RFX7: variants seen among roughly 807,000 people sequenced by gnomAD.
RFX7 encodes DNA-binding protein RFX7.
A neutral mutation model predicts 111.8 loss-of-function variants in RFX7; 26 were observed. The observed-to-expected ratio is 0.23, with a 90% CI of 0.17 to 0.32. The LOEUF (loss-of-function observed/expected upper bound fraction) is 0.32. Ranked by LOEUF, RFX7 falls within the 10% of genes least tolerant of loss-of-function variation. RFX7 has a pLI of 1.00. For missense variants in RFX7, 1,573 were observed against 1,772.9 expected (o/e 0.89, Z 2.02); for synonymous variants, 624 against 624.4 (o/e 1.00, Z 0.01).
At chr15:56,119,273 C>T (rs539701318) in intron 5 of RFX7, among the ~76,000 whole-genome samples, 2 of 152,256 alleles carry the variant, frequency 1.3e-5, no homozygotes, top group East Asian at 1.9e-4. Context: ...AGTGCAATGT[C>T]CTGGAGTTTC....
At chr15:56,208,251 A>T (rs987078167) in intron 2 of RFX7, among the ~76,000 whole-genome samples, 2 of 152,168 alleles carry the variant, frequency 1.3e-5, no homozygotes, top group African/African-American at 4.8e-5. Context: ...ATCCTGCTGG[A>T]GCTTCATCAG....
At position 56,092,619 on chromosome 15, in the gene RFX7, G is replaced by A. The variant is rs1256522398; in HGVS notation, c.*726C>T. On this transcript the variant is annotated 3_prime_UTR_variant, in exon 10 of 10. Transcript: ENST00000559447. Reference sequence around the variant, plus strand: ...TTACATTTGCTTGTTTTGTGTGTGCGTGCCTGCGCATCTATGTGTGCTAGC... The same window carrying A: ...TTACATTTGCTTGTTTTGTGTGTGCATGCCTGCGCATCTATGTGTGCTAGC... 3 of 152,454 alleles carry A rather than the reference G, an allele frequency of 2.0e-5. No individual in the cohort carries two copies. Among genetic ancestry groups the A allele is most frequent in the Admixed American group, 6.6e-5 (1 of 15,264 alleles). The allele number at this position is 152,454 out of a possible 1,614,324, so 9.4% of individuals were successfully genotyped here. A position where few individuals can be genotyped will look rare whatever the true frequency, so the allele number is the denominator to read the frequency against.
intron 2 of RFX7, among the ~76,000 whole-genome samples, chr15:56,207,427 A>T (rs1194384353): frequency 6.6e-6 from 1 of 152,192 alleles, no homozygotes; most frequent in African/African-American, 2.4e-5. Context: ...AAAGTGGTAA[A>T]TTTTATCTTA....
rs189550744 is a variant in RFX7, at chr15:56,172,320, G to A, written c.195+6950C>T. On this transcript the variant is annotated intron_variant, in intron 3 of 9. Coordinates refer to ENST00000559447, the MANE Select transcript of RFX7 (RefSeq NM_022841.7). Reference sequence around the variant, plus strand: ...AAACTTTGACTTTCTTCTTTCAAAGGGAAGAAGATACAGTGGTAGCTAGAG... The same window carrying A: ...AAACTTTGACTTTCTTCTTTCAAAGAGAAGAAGATACAGTGGTAGCTAGAG... Among the ~76,000 whole-genome samples the A allele has an allele frequency of 3.9e-5, 6 of 152,232 alleles. No individual in the cohort carries two copies. In the East Asian group the frequency reaches 1.2e-3, roughly 29 times the overall value.
intron 5 of RFX7, among the ~76,000 whole-genome samples, chr15:56,137,020 A>T (rs2042312949): frequency 6.6e-6 from 1 of 151,876 alleles, no homozygotes; most frequent in African/African-American, 2.4e-5. Context: ...TCGTTTTGCC[A>T]GTATTTTATT....
intron 2 of RFX7, among the ~76,000 whole-genome samples, chr15:56,205,140 T>A (rs1436215965): frequency 1.3e-5 from 2 of 152,228 alleles, no homozygotes; most frequent in Admixed American, 1.3e-4. Flanking sequence ...ATCCCTGGTC[T>A]GAATTAAATG....
chr15:56,174,051 G>A (rs1219238296), intron 3 of RFX7, among the ~76,000 whole-genome samples: 1 of 152,184 alleles, frequency 6.6e-6, no homozygotes, highest in Middle Eastern at 3.4e-3. Context: ...GCTGAGGTGG[G>A]TGCATCACCT....
At chr15:56,147,867 C>T (rs1296748361) in intron 3 of RFX7, among the ~76,000 whole-genome samples, 1 of 152,190 alleles carries the variant, frequency 6.6e-6, no homozygotes, top group African/African-American at 2.4e-5. Flanking sequence ...GCCACCATGC[C>T]CAGCCTAAAA....
At position 56,091,780 on chromosome 15, in the gene RFX7, A is replaced by G. The variant is rs922275010; in HGVS notation, c.*1565T>C. ...ATATATAAACCTCTGCGCCAACTCT[A>G]GCACCATTTATTTATCAAAATATGT... On this transcript the variant is annotated 3_prime_UTR_variant, in exon 10 of 10. Coordinates refer to ENST00000559447, the MANE Select transcript of RFX7 (RefSeq NM_022841.7). 4 of 152,578 alleles carry G rather than the reference A, an allele frequency of 2.6e-5. No homozygotes were observed. Among genetic ancestry groups the G allele is most frequent in the African/African-American group, 9.6e-5 (4 of 41,464 alleles). 9.5% of individuals were successfully genotyped at this position (152,578 alleles called of 1,614,324 possible).
At chr15:56,241,968 T>C (rs1258978553) in intron 2 of RFX7, among the ~76,000 whole-genome samples, 1 of 152,210 alleles carries the variant, frequency 6.6e-6, no homozygotes, top group African/African-American at 2.4e-5. Context: ...AATTACTATA[T>C]AACTAACCTA....
intron 3 of RFX7, among the ~76,000 whole-genome samples, chr15:56,178,439 C>A (rs80353039): frequency 0.067 from 10,204 of 152,116 alleles, 455 homozygotes; most frequent in Admixed American, 0.11. Flanking sequence ...ACCACCACCA[C>A]CAACAACAAC....
intron 5 of RFX7, among the ~76,000 whole-genome samples, chr15:56,107,772 G>T (rs568328679): frequency 6.6e-6 from 1 of 152,016 alleles, no homozygotes; most frequent in Non-Finnish European, 1.5e-5. Context: ...GAATAAAGAA[G>T]AATCAAATAG....
At position 56,196,328 on chromosome 15, in the gene RFX7, AGTT is replaced by A. The variant is rs1207787298; in HGVS notation, c.162-17028_162-17026del. ...TTCTCAGTGGTGACCGCTATCCAGA[AGTT>A]GTTATTATTCCCATGAATGTATATA... is the stretch of plus-strand genomic sequence containing the variant. On this transcript the variant is annotated intron_variant, in intron 2 of 9. Coordinates refer to ENST00000559447, the MANE Select transcript of RFX7 (RefSeq NM_022841.7). 2.0e-5 allele frequency among the ~76,000 whole-genome samples: 3 copies of A among 152,052 alleles called. No individual in the cohort carries two copies. In the East Asian group the frequency reaches 5.8e-4, roughly 29 times the overall value.
At chr15:56,200,377 CAT>C (rs1349316770) in intron 2 of RFX7, among the ~76,000 whole-genome samples, 2 of 152,010 alleles carry the variant, frequency 1.3e-5, no homozygotes, top group African/African-American at 4.8e-5. Context: ...GTTTTTATAA[CAT>C]ATAAAACATT....
chr15:56,169,255 AAACT>A (rs1360136801), intron 3 of RFX7, among the ~76,000 whole-genome samples: 5 of 152,204 alleles, frequency 3.3e-5, no homozygotes, highest in African/African-American at 1.2e-4. Flanking sequence ...AGGTGATTCC[AAACT>A]TTCTCCATCT....
At chr15:56,194,625 T>TCACGCCTGTAATCCC (rs1567042836) in intron 2 of RFX7, among the ~76,000 whole-genome samples, 1 of 152,082 alleles carries the variant, frequency 6.6e-6, no homozygotes, top group African/African-American at 2.4e-5. Context: ...CAAAATTTTT[T>TCACGCCTGTAATCCC]ATATTTAAAA....
At chr15:56,108,955 G>A (rs1183188951) in intron 5 of RFX7, among the ~76,000 whole-genome samples, 9 of 152,296 alleles carry the variant, frequency 5.9e-5, no homozygotes, top group African/African-American at 1.9e-4. Context: ...CTGCTACAGA[G>A]AATAAAATAC....
intron 2 of RFX7, among the ~76,000 whole-genome samples, chr15:56,191,482 C>T (rs1567041980): frequency 6.6e-6 from 1 of 152,098 alleles, no homozygotes; most frequent in Non-Finnish European, 1.5e-5. Context: ...AATAATAAAC[C>T]ACCAATGCAC....
At chr15:56,130,380 T>C (rs1453957184) in intron 5 of RFX7, among the ~76,000 whole-genome samples, 1 of 151,848 alleles carries the variant, frequency 6.6e-6, no homozygotes, top group Non-Finnish European at 1.5e-5. Context: ...TATGAAAGTG[T>C]AAAGCAAAAT....
Sources: allele counts gnomAD v4.1 joint callset (sites outside exome capture counted in the v4.1 genomes callset), GRCh38; gene constraint gnomAD v4.1.1; transcripts MANE v1.5; gene names NCBI Gene and HGNC (gene_info 2026-07-23, HGNC 2026-07-21).